The following UBE2G1 variants were observed in gnomAD, a reference collection of about 807,000 sequenced individuals.
UBE2G1 encodes ubiquitin-conjugating enzyme E2 G1.
UBE2G1 carries 5 observed loss-of-function variants against 22.7 expected under a neutral mutation model. The observed-to-expected ratio is 0.22, with a 90% confidence interval of 0.12 to 0.46. The LOEUF is 0.46. Ranked by LOEUF, UBE2G1 falls within the 20% of genes least tolerant of loss-of-function variation. The pLI is 0.99. For synonymous variants in UBE2G1, 74 were observed against 67.5 expected (o/e 1.10, Z -0.47); for missense variants, 88 against 203.9 (o/e 0.43, Z 3.46).
At chr17:4,299,673 T>C (rs1232029564) in intron 2 of UBE2G1, among the ~76,000 whole-genome samples, 5 of 152,180 alleles carry the variant, frequency 3.3e-5, no homozygotes, top group Non-Finnish European at 7.3e-5. Context: ...GCCCTAAAAA[T>C]TTAAAGCACA....
chr17:4,359,060 A>G (rs1969938369), intron 1 of UBE2G1, among the ~76,000 whole-genome samples: 1 of 152,284 alleles, frequency 6.6e-6, no homozygotes, highest in Middle Eastern at 3.4e-3. Context: ...AGAATATGAT[A>G]ATGTAATTAA....
At chr17:4,291,746 T>C (rs1969044763) in intron 3 of UBE2G1, among the ~76,000 whole-genome samples, 1 of 152,218 alleles carries the variant, frequency 6.6e-6, no homozygotes, top group South Asian at 2.1e-4. Context: ...GGCCATTTCA[T>C]TGCCTCCTCA....
At chr17:4,329,946 CCT>C (rs1969551876) in intron 1 of UBE2G1, among the ~76,000 whole-genome samples, 1 of 151,864 alleles carries the variant, frequency 6.6e-6, no homozygotes, top group African/African-American at 2.4e-5. Context: ...TGAGAAATTC[CCT>C]GATGACAATT....
At chr17:4,279,780 A>T (rs1229919353) in intron 5 of UBE2G1, among the ~76,000 whole-genome samples, 1 of 64,164 alleles carries the variant, frequency 1.6e-5, no homozygotes, top group Non-Finnish European at 3.4e-5. Flanking sequence ...GCCCCCAAAA[A>T]AAAGTTATAT....
chr17:4,341,490 T>G (rs943442328), intron 1 of UBE2G1, among the ~76,000 whole-genome samples: 1 of 152,114 alleles, frequency 6.6e-6, no homozygotes, highest in Non-Finnish European at 1.5e-5. Context: ...GCTCCAGAAA[T>G]TCCTACCCTC....
rs71144179 is a variant in UBE2G1 at position 4,289,106 on chromosome 17, T to TACAC, written c.426+120_426+123dup. ...CAAAAATAAGAACTATGGGAAGAGA[T>TACAC]ACACACACACACACACACACACACG... On this transcript the variant is annotated intron_variant, in intron 4 of 5. Transcript: ENST00000396981. 6.2e-3 allele frequency: 3,204 copies of TACAC among 515,728 alleles called. 19 individuals carry two copies. The highest frequency in any genetic ancestry group is 0.023 in the African/African-American group (1,124 of 49,884). 31.9% of individuals were successfully genotyped at this position (515,728 alleles called of 1,614,324 possible).
intron 1 of UBE2G1, among the ~76,000 whole-genome samples, chr17:4,316,895 G>A (rs1401978229): frequency 6.8e-6 from 1 of 147,856 alleles, no homozygotes; most frequent in African/African-American, 2.5e-5. Context: ...ACCTAAGAAG[G>A]TGCCAATGCA....
At chr17:4,306,488 C>G (rs1969250500) in intron 2 of UBE2G1, among the ~76,000 whole-genome samples, 2 of 152,072 alleles carry the variant, frequency 1.3e-5, no homozygotes, top group East Asian at 3.9e-4. Context: ...CGCGCCCGGC[C>G]TGAAACTATT....
At chr17:4,334,028 G>A (rs1426753447) in intron 1 of UBE2G1, among the ~76,000 whole-genome samples, 1 of 151,902 alleles carries the variant, frequency 6.6e-6, no homozygotes, top group Non-Finnish European at 1.5e-5. Context: ...GTCTTGAATT[G>A]TGGCACGTGA....
At chr17:4,322,710 AG>A (rs1313724811) in intron 1 of UBE2G1, among the ~76,000 whole-genome samples, 3 of 152,234 alleles carry the variant, frequency 2.0e-5, no homozygotes, top group African/African-American at 7.2e-5. Flanking sequence ...TTTAAAGGCA[AG>A]GGAACCAAAA....
chr17:4,281,154 A>C (rs543415369), intron 5 of UBE2G1, among the ~76,000 whole-genome samples: 1 of 152,198 alleles, frequency 6.6e-6, no homozygotes, highest in African/African-American at 2.4e-5. Context: ...ACACCAATTC[A>C]GAAAATAACT....
chr17:4,305,691 G>A (rs911058798), intron 2 of UBE2G1, among the ~76,000 whole-genome samples: 2 of 152,062 alleles, frequency 1.3e-5, no homozygotes, highest in African/African-American at 2.4e-5. Flanking sequence ...ACAGGCGCCC[G>A]CCACCATGCC....
intron 1 of UBE2G1, among the ~76,000 whole-genome samples, chr17:4,346,034 T>C (rs1273272807): frequency 6.6e-6 from 1 of 152,258 alleles, no homozygotes; most frequent in Non-Finnish European, 1.5e-5. Flanking sequence ...GCATCTGCTA[T>C]TGATATTGCA....
chr17:4,317,304 C>T (rs73328791), intron 1 of UBE2G1, among the ~76,000 whole-genome samples: 1,743 of 152,152 alleles, frequency 0.011, 32 homozygotes, highest in African/African-American at 0.039. Context: ...GAGCTGAGAT[C>T]GTGTCACTGC....
At position 4,285,631 on chromosome 17, in the gene UBE2G1, C is replaced by A. The variant is rs562929048; in HGVS notation, c.427-2710G>T. On this transcript the variant is annotated intron_variant, in intron 4 of 5. Coordinates refer to ENST00000396981, the MANE Select transcript of UBE2G1 (RefSeq NM_003342.5). ...GGGTAATCTGAGCAAATCAACTAAG[C>A]CCCAGGCTGAGAGAGTCAATCAAAT... is the stretch of plus-strand genomic sequence containing the variant. Among the ~76,000 whole-genome samples, 12 of 152,236 alleles carry A rather than the reference C, an allele frequency of 7.9e-5. No individual in the cohort carries two copies. In the South Asian group the frequency reaches 2.5e-3, roughly 32 times the overall value.
chr17:4,348,336 G>A (rs1390070253), intron 1 of UBE2G1, among the ~76,000 whole-genome samples: 7 of 151,532 alleles, frequency 4.6e-5, no homozygotes, highest in Non-Finnish European at 7.4e-5. Flanking sequence ...GGCGGATCAC[G>A]AGGTCAGGAG....
Position 4,352,798 on chromosome 17 carries a change from G to A in UBE2G1, c.46+13473C>T, listed in dbSNP as rs138274132. The stretch of plus-strand genomic sequence containing the variant: ...TTCAAAAATATTTTGTATGAGGCCG[G>A]GCATGGTGGCTCACCCCTGTAATCC... On this transcript the variant is annotated intron_variant, in intron 1 of 5. Transcript: ENST00000396981. Among the ~76,000 whole-genome samples the A allele has an allele frequency of 4.9e-4, 75 of 152,248 alleles. 1 individual carries two copies. In the East Asian group the frequency reaches 0.014, roughly 29 times the overall value.
intron 1 of UBE2G1, among the ~76,000 whole-genome samples, chr17:4,323,169 C>T (rs895064418): frequency 4.6e-5 from 7 of 152,278 alleles, no homozygotes; most frequent in Non-Finnish European, 8.8e-5. Flanking sequence ...TTAAAGAATG[C>T]CATCTTGTGC....
intron 1 of UBE2G1, among the ~76,000 whole-genome samples, chr17:4,341,304 T>A (rs899844180): frequency 6.6e-6 from 1 of 152,140 alleles, no homozygotes; most frequent in African/African-American, 2.4e-5. Flanking sequence ...AGTATGAAAA[T>A]GTTCCCCATT....
Sources: allele counts gnomAD v4.1 joint callset (sites outside exome capture counted in the v4.1 genomes callset), GRCh38; gene constraint gnomAD v4.1.1; transcripts MANE v1.5; gene names NCBI Gene and HGNC (gene_info 2026-07-23, HGNC 2026-07-21).